PTTG1IP2: variants seen among roughly 807,000 people sequenced by gnomAD.
The protein encoded by PTTG1IP2 is PTTG1IP family member 2.
intron 2 of PTTG1IP2, among the ~76,000 whole-genome samples, chr7:90,482,223 T>A (rs1289850792): frequency 6.6e-6 from 1 of 152,156 alleles, no homozygotes; most frequent in East Asian, 1.9e-4. Flanking sequence ...CGAGAATATT[T>A]GAGCTCTTTT....
At chr7:90,489,180 T>C (rs1435648411) in intron 4 of PTTG1IP2, among the ~76,000 whole-genome samples, 1 of 151,850 alleles carries the variant, frequency 6.6e-6, no homozygotes, top group Admixed American at 6.6e-5. Flanking sequence ...TAACACTGTC[T>C]TCCCAGAAGT....
At chr7:90,473,995 A>T (rs1181361038) in intron 1 of PTTG1IP2, among the ~76,000 whole-genome samples, 1 of 152,246 alleles carries the variant, frequency 6.6e-6, no homozygotes, top group African/African-American at 2.4e-5. Context: ...TTATGCAGTC[A>T]TGTGTTGCTT....
chr7:90,497,873 G>A (rs1798014532), intron 6 of PTTG1IP2, among the ~76,000 whole-genome samples: 1 of 151,818 alleles, frequency 6.6e-6, no homozygotes, highest in Non-Finnish European at 1.5e-5. Flanking sequence ...TGATCTTTTT[G>A]TCTGGATGTT....
At chr7:90,498,162 A>C (rs1209359218) in intron 6 of PTTG1IP2, among the ~76,000 whole-genome samples, 1 of 152,038 alleles carries the variant, frequency 6.6e-6, no homozygotes, top group Non-Finnish European at 1.5e-5. Flanking sequence ...AGTAGCTGGG[A>C]CTACAGGCGC....
intron 2 of PTTG1IP2, among the ~76,000 whole-genome samples, chr7:90,481,654 A>G (rs1797816476): frequency 6.6e-6 from 1 of 152,144 alleles, no homozygotes; most frequent in African/African-American, 2.4e-5. Context: ...CCCTCCTTTT[A>G]GAGGAAGAAT....
chr7:90,478,909 A>C (rs1054381408), intron 1 of PTTG1IP2, among the ~76,000 whole-genome samples: 2 of 152,054 alleles, frequency 1.3e-5, no homozygotes, highest in Non-Finnish European at 2.9e-5. Context: ...ATAACAGCAC[A>C]TGATATTTTA....
At chr7:90,480,598 A>G (rs1398346310) in intron 2 of PTTG1IP2, among the ~76,000 whole-genome samples, 1 of 152,096 alleles carries the variant, frequency 6.6e-6, no homozygotes, top group Non-Finnish European at 1.5e-5. Flanking sequence ...TTTCTAATTG[A>G]TATTTTACTT....
At chr7:90,500,242 A>G (rs1798047355) in intron 6 of PTTG1IP2, among the ~76,000 whole-genome samples, 1 of 152,118 alleles carries the variant, frequency 6.6e-6, no homozygotes, top group Non-Finnish European at 1.5e-5. Flanking sequence ...CAAACAATTC[A>G]TCCTGATAAT....
At chr7:90,511,991 A>T (rs1295489034) in intron 6 of PTTG1IP2, among the ~76,000 whole-genome samples, 1 of 152,266 alleles carries the variant, frequency 6.6e-6, no homozygotes, top group African/African-American at 2.4e-5. Context: ...AGTAAATAGC[A>T]GCTGCAATAG....
At chr7:90,486,639 G>A (rs1424911251) in intron 2 of PTTG1IP2, among the ~76,000 whole-genome samples, 1 of 152,084 alleles carries the variant, frequency 6.6e-6, no homozygotes, top group African/African-American at 2.4e-5. Flanking sequence ...CTTGTTGACA[G>A]TACCACCAGG....
chr7:90,501,306 G>A (rs1798058492), intron 6 of PTTG1IP2, among the ~76,000 whole-genome samples: 2 of 152,102 alleles, frequency 1.3e-5, no homozygotes, highest in South Asian at 4.1e-4. Flanking sequence ...TAAAAATTAT[G>A]TTTACGCTAT....
chr7:90,484,305 A>G (rs1002226725), intron 2 of PTTG1IP2, among the ~76,000 whole-genome samples: 1 of 152,100 alleles, frequency 6.6e-6, no homozygotes, highest in African/African-American at 2.4e-5. Context: ...TTAAACCACT[A>G]AAAATTATTA....
intron 6 of PTTG1IP2, among the ~76,000 whole-genome samples, chr7:90,511,147 C>T (rs952148635): frequency 6.6e-6 from 1 of 151,960 alleles, no homozygotes; most frequent in Non-Finnish European, 1.5e-5. Context: ...TTAGTCTCCT[C>T]TAACTTTTCT....
chr7:90,475,436 G>A (rs1797737128), intron 1 of PTTG1IP2, among the ~76,000 whole-genome samples: 1 of 152,082 alleles, frequency 6.6e-6, no homozygotes, highest in African/African-American at 2.4e-5. Flanking sequence ...AGACTATTCT[G>A]GAAAAGATGA....
chr7:90,513,216 T>C (rs1163300332), intron 6 of PTTG1IP2, 62 bp from the exon 7 acceptor site: 1 of 152,608 alleles, frequency 6.6e-6, no homozygotes, highest in African/African-American at 2.4e-5. Context: ...AGTTTGAAGG[T>C]GAAACTTGAG....
chr7:90,499,562 T>A (rs1798037784), intron 6 of PTTG1IP2, among the ~76,000 whole-genome samples: 1 of 152,124 alleles, frequency 6.6e-6, no homozygotes, highest in Admixed American at 6.5e-5. Context: ...TGCTTTTTGA[T>A]CAGTGTTCTT....
chr7:90,495,837 A>T (rs1213079203), intron 6 of PTTG1IP2, among the ~76,000 whole-genome samples: 1 of 152,232 alleles, frequency 6.6e-6, no homozygotes, highest in Non-Finnish European at 1.5e-5. Context: ...AACAACAGCA[A>T]GAAATGATGG....
chr7:90,487,793 C>A (rs116284100), intron 3 of PTTG1IP2, among the ~76,000 whole-genome samples: 1 of 152,224 alleles, frequency 6.6e-6, no homozygotes, highest in African/African-American at 2.4e-5. Flanking sequence ...TTTCTAAAAT[C>A]TCTAGTGTAT....
At chr7:90,494,883 G>A (rs1314224536) in intron 6 of PTTG1IP2, among the ~76,000 whole-genome samples, 3 of 152,146 alleles carry the variant, frequency 2.0e-5, no homozygotes, top group African/African-American at 7.2e-5. Flanking sequence ...GGTTGCATGT[G>A]CCTGTAGTCC....
Sources: gnomAD v4.1 joint callset for allele counts (sites outside exome capture counted in the v4.1 genomes callset) on GRCh38, gnomAD v4.1.1 for gene constraint, MANE v1.5 for transcripts, NCBI Gene and HGNC (gene_info 2026-07-23, HGNC 2026-07-21) for gene names.